Variants in ROBO2 observed in about 807,000 individuals in gnomAD.
ROBO2 encodes the protein roundabout homolog 2.
Under a neutral mutation model 160.8 loss-of-function variants are expected in ROBO2, and 53 were observed. That is an observed-to-expected ratio of 0.33 (90% CI 0.26 to 0.41). The LOEUF (loss-of-function observed/expected upper bound fraction) is 0.41. Ranked by LOEUF, ROBO2 falls within the 10% of genes least tolerant of loss-of-function variation. The pLI is 1.00. For missense variants in ROBO2, 1,577 were observed against 1,722.4 expected, an observed-to-expected ratio of 0.92 and a Z score of 1.49; for synonymous variants, 664 against 611.7, an observed-to-expected ratio of 1.09 and a Z score of -1.26.
intron 2 of ROBO2, among the ~76,000 whole-genome samples, chr3:76,867,186 T>C (rs2071472743): frequency 6.6e-6 from 1 of 152,200 alleles, no homozygotes; most frequent in African/African-American, 2.4e-5. Context: ...TAACATATAA[T>C]GGACTATCAG....
intron 2 of ROBO2, among the ~76,000 whole-genome samples, chr3:76,899,164 T>G (rs1002236273): frequency 6.6e-6 from 1 of 152,156 alleles, no homozygotes; most frequent in Non-Finnish European, 1.5e-5. Flanking sequence ...ACCAGATTTA[T>G]TTTTCAAGGT....
At chr3:77,355,701 T>C (rs963038738) in intron 2 of ROBO2, among the ~76,000 whole-genome samples, 6 of 152,158 alleles carry the variant, frequency 3.9e-5, no homozygotes, top group Admixed American at 1.3e-4. Flanking sequence ...GAAAGTTTAA[T>C]ATAATTTTAG....
At chr3:76,929,271 A>G (rs2149041912) in intron 2 of ROBO2, among the ~76,000 whole-genome samples, 1 of 152,218 alleles carries the variant, frequency 6.6e-6, no homozygotes, top group African/African-American at 2.4e-5. Flanking sequence ...AAAAGAAAGA[A>G]AGAAAAGAAA....
At chr3:76,693,167 A>C (rs1022501465) in intron 2 of ROBO2, among the ~76,000 whole-genome samples, 18 of 149,518 alleles carry the variant, frequency 1.2e-4, no homozygotes, top group Middle Eastern at 3.7e-3. Context: ...CTCTCTCTCT[A>C]TATATAGTGT....
chr3:77,439,327 G>C (rs1210542495), intron 2 of ROBO2, among the ~76,000 whole-genome samples: 1 of 151,956 alleles, frequency 6.6e-6, no homozygotes, highest in Non-Finnish European at 1.5e-5. Context: ...ATTTGAACAT[G>C]ATGATCAAGG....
chr3:76,854,602 C>T (rs2069835543), intron 2 of ROBO2, among the ~76,000 whole-genome samples: 1 of 152,104 alleles, frequency 6.6e-6, no homozygotes, highest in Non-Finnish European at 1.5e-5. Context: ...GAAACAGTAA[C>T]TTATGCCTTC....
intron 2 of ROBO2, among the ~76,000 whole-genome samples, chr3:77,446,011 T>C (rs1230973454): frequency 6.6e-6 from 1 of 152,048 alleles, no homozygotes; most frequent in Non-Finnish European, 1.5e-5. Flanking sequence ...GATAAGCTTT[T>C]CTGTAGAAAT....
At chr3:77,550,789 T>C (rs958141640) in intron 7 of ROBO2, 29 bp from the exon 9 acceptor site, 1 of 1,611,626 alleles carries the variant, frequency 6.2e-7, no homozygotes, top group Non-Finnish European at 8.5e-7. Flanking sequence ...GGAAAATGAA[T>C]ATTGATGAGA....
intron 2 of ROBO2, among the ~76,000 whole-genome samples, chr3:76,041,626 A>AT (rs1269069527): frequency 2.0e-5 from 3 of 151,990 alleles, no homozygotes; most frequent in African/African-American, 7.3e-5. Flanking sequence ...ACTTTATAGA[A>AT]TTTTTTGTTT....
At chr3:77,166,176 C>T (rs66710942) in intron 2 of ROBO2, among the ~76,000 whole-genome samples, 72,977 of 151,702 alleles carry the variant, frequency 0.48, 18,543 homozygotes, top group Middle Eastern at 0.66. Context: ...AAGAATAGCT[C>T]GAACCCAGGA....
intron 2 of ROBO2, among the ~76,000 whole-genome samples, chr3:76,066,869 GTTAGT>G (rs538103154): frequency 7.6e-4 from 116 of 152,168 alleles, no homozygotes; most frequent in Non-Finnish European, 1.2e-3. Context: ...AATCAATCAA[GTTAGT>G]TTAGATTGCA....
intron 2 of ROBO2, among the ~76,000 whole-genome samples, chr3:76,756,770 C>T (rs1046675552): frequency 6.6e-6 from 1 of 151,830 alleles, no homozygotes; most frequent in Admixed American, 6.6e-5. Context: ...GTTTTGATTA[C>T]GAGCAAATCT....
At chr3:77,637,298 G>T (rs1036354302) in intron 24 of ROBO2, among the ~76,000 whole-genome samples, 39 of 152,142 alleles carry the variant, frequency 2.6e-4, no homozygotes, top group South Asian at 1.2e-3. Flanking sequence ...AAAAGCATTG[G>T]TTTTTTATTA....
At chr3:76,459,280 C>CAT (rs2077954871) in intron 2 of ROBO2, among the ~76,000 whole-genome samples, 1 of 151,856 alleles carries the variant, frequency 6.6e-6, no homozygotes, top group Non-Finnish European at 1.5e-5. Context: ...GATATATATA[C>CAT]ATATATAGCG....
At chr3:76,744,209 T>G (rs1251233683) in intron 2 of ROBO2, among the ~76,000 whole-genome samples, 1 of 152,126 alleles carries the variant, frequency 6.6e-6, no homozygotes. Context: ...GGATTTTGTT[T>G]TTTCATAGCT....
At chr3:76,480,650 C>T (rs2079159493) in intron 2 of ROBO2, among the ~76,000 whole-genome samples, 1 of 152,078 alleles carries the variant, frequency 6.6e-6, no homozygotes, top group Admixed American at 6.6e-5. Context: ...TGGGTCTTCC[C>T]ACAGTAGAAG....
At position 76,222,408 on chromosome 3, in the gene ROBO2, A is replaced by G. The variant is rs142437501; in HGVS notation, c.109+284806A>G. Among the ~76,000 whole-genome samples, 552 of 152,310 alleles carry G rather than the reference A, an allele frequency of 3.6e-3. 4 individuals are homozygous for G. Among genetic ancestry groups the G allele is most frequent in the African/African-American group, 0.013 (531 of 41,572 alleles). ...AGTGGGTGACTTGAAAGACAAGTGT[A>G]CATGTTGACCTTGTGACTAGGCTTA... On this transcript the variant is annotated intron_variant, in intron 2 of 26. Coordinates refer to the ROBO2 transcript ENST00000487694.
At chr3:76,751,381 A>T (rs1325204838) in intron 2 of ROBO2, among the ~76,000 whole-genome samples, 2 of 152,140 alleles carry the variant, frequency 1.3e-5, no homozygotes, top group Non-Finnish European at 2.9e-5. Flanking sequence ...ACCATTCAGG[A>T]CATAGGCATG....
At chr3:77,537,840 T>C (rs2092228474) in intron 6 of ROBO2, among the ~76,000 whole-genome samples, 1 of 152,108 alleles carries the variant, frequency 6.6e-6, no homozygotes, top group Non-Finnish European at 1.5e-5. Flanking sequence ...CCATCAGATC[T>C]TGTGAGACTT....
Sources: gnomAD v4.1 joint callset for allele counts (sites outside exome capture counted in the v4.1 genomes callset) on GRCh38, gnomAD v4.1.1 for gene constraint, MANE v1.5 for transcripts, NCBI Gene and HGNC (gene_info 2026-07-23, HGNC 2026-07-21) for gene names.